KIRREL3: variants seen among roughly 807,000 people sequenced by gnomAD.
KIRREL3 encodes kirre like nephrin family adhesion molecule 3.
KIRREL3 carries 36 observed loss-of-function variants against 89.7 expected under a neutral mutation model. The observed-to-expected ratio is 0.40, with a 90% CI of 0.31 to 0.53. The LOEUF (loss-of-function observed/expected upper bound fraction) is 0.53. KIRREL3 is among the 20% of genes least tolerant of loss of function. The probability of loss-of-function intolerance (pLI) is 0.49; values close to 1 mark genes in which losing one functional copy is unlikely to be tolerated. For synonymous variants in KIRREL3, 445 were observed against 441.4 expected (o/e 1.01, Z -0.10); for missense variants, 864 against 1,056.6 (o/e 0.82, Z 2.53).
At chr11:126,935,301 G>A (rs1434296859) in intron 1 of KIRREL3, 1 of 148,402 alleles carries the variant, frequency 6.7e-6, no homozygotes, top group Admixed American at 6.8e-5. Context: ...TTGGAAGACA[G>A]TGTGGCAGTT....
intron 1 of KIRREL3, among the ~76,000 whole-genome samples, chr11:126,584,402 C>T (rs1941716385): frequency 6.6e-6 from 1 of 152,182 alleles, no homozygotes; most frequent in African/African-American, 2.4e-5. Context: ...CAAGGTTTGC[C>T]CTCTCTGACT....
rs1462225721 is a variant in KIRREL3, at chr11:126,607,587, G to A, written c.56-44675C>T. ...CCATTATTGCCATTATTAATTGATC[G>A]CTGTTATTATCATGTAGGCATTAAG... On this transcript the variant is annotated intron_variant, in intron 1 of 16. Coordinates refer to ENST00000525144, the MANE Select transcript of KIRREL3 (RefSeq NM_032531.4). This position sits in a 1 kb window ranked among gnomAD's most constrained non-coding sequence, Gnocchi z 6.6. Among the ~76,000 whole-genome samples, 1 of 152,134 alleles carries A rather than the reference G, an allele frequency of 6.6e-6. No homozygotes were observed. The highest frequency in any genetic ancestry group is 2.4e-5 in the African/African-American group (1 of 41,416).
chr11:126,899,850 G>A (rs962156164), intron 1 of KIRREL3, among the ~76,000 whole-genome samples: 3 of 152,184 alleles, frequency 2.0e-5, no homozygotes, highest in Non-Finnish European at 4.4e-5. Context: ...TGTCATTGAG[G>A]CCTAGTGGTT....
intron 1 of KIRREL3, among the ~76,000 whole-genome samples, chr11:126,625,502 C>G (rs1161856811): frequency 6.6e-6 from 1 of 152,166 alleles, no homozygotes; most frequent in Non-Finnish European, 1.5e-5. Context: ...CTGCTGCTTA[C>G]ATTATCTTGA....
rs1023135823 is a variant in KIRREL3, at chr11:126,557,089, A to C, written c.133+5746T>G. On this transcript the variant is annotated intron_variant, in intron 2 of 16. Coordinates refer to ENST00000525144, the MANE Select transcript of KIRREL3 (RefSeq NM_032531.4). The surrounding 1 kb of genome is among the most constrained non-coding windows in gnomAD (Gnocchi z 5.6). ...GAGCCAGACTGTACGGCTGCAACAG[A>C]GTGAGAAGTGCTGCCGGTAGCAGGG... 4.6e-5 allele frequency among the ~76,000 whole-genome samples: 7 copies of C among 152,132 alleles called. No homozygotes were observed. The highest frequency in any genetic ancestry group is 1.7e-4 in the African/African-American group (7 of 41,422).
rs532499612 is a variant in KIRREL3 at position 126,447,779 on chromosome 11, C to T, written c.998-893G>A. Reference sequence around the variant, plus strand: ...CCTGAAGCCTGGTGCCAGGAGACTGCGATTAGTCCCCTGATGTAAAAAGGG... The same window carrying T: ...CCTGAAGCCTGGTGCCAGGAGACTGTGATTAGTCCCCTGATGTAAAAAGGG... On this transcript the variant is annotated intron_variant, in intron 8 of 16. Transcript: ENST00000525144. Among the ~76,000 whole-genome samples, 5 of 152,294 alleles carry T rather than the reference C, an allele frequency of 3.3e-5. No individual in the cohort carries two copies. In the South Asian group the frequency reaches 1.0e-3, roughly 32 times the overall value.
chr11:126,691,722 T>A (rs1946884841), intron 1 of KIRREL3, among the ~76,000 whole-genome samples: 1 of 152,232 alleles, frequency 6.6e-6, no homozygotes, highest in African/African-American at 2.4e-5. Context: ...AAAGGATGCA[T>A]TGAAGATTGA....
At chr11:126,439,455 C>T (rs1327115281) in intron 11 of KIRREL3, among the ~76,000 whole-genome samples, 2 of 149,176 alleles carry the variant, frequency 1.3e-5, no homozygotes, top group Non-Finnish European at 3.0e-5. Flanking sequence ...ATCTTCCCAC[C>T]TCAGCCTTCC....
chr11:126,610,406 AAC>A lies in KIRREL3; in HGVS notation c.56-47496_56-47495del, dbSNP rs1366624639. On this transcript the variant is annotated intron_variant, in intron 1 of 16. Transcript: ENST00000525144. The surrounding 1 kb of genome is among the most constrained non-coding windows in gnomAD (Gnocchi z 4.6). ...CTTGTCTGAACTGTAAGAGGATTTT[AAC>A]AGTTTCCCAAGCAATGCTTCATATT... is the stretch of plus-strand genomic sequence containing the variant. Among the ~76,000 whole-genome samples the A allele has an allele frequency of 6.6e-6, 1 of 152,182 alleles. No individual in the cohort carries two copies. The highest frequency in any genetic ancestry group is 2.4e-5 in the African/African-American group (1 of 41,454).
At chr11:126,448,574 G>C (rs1955914054) in intron 8 of KIRREL3, among the ~76,000 whole-genome samples, 1 of 152,208 alleles carries the variant, frequency 6.6e-6, no homozygotes, top group Non-Finnish European at 1.5e-5. Context: ...CTTTGCAGGG[G>C]CAGGGGTTAG....
intron 1 of KIRREL3, among the ~76,000 whole-genome samples, chr11:126,592,738 T>C (rs1649094): frequency 0.9 from 137,210 of 152,034 alleles, 61,943 homozygotes; most frequent in East Asian, 0.99. Flanking sequence ...TTGGGGAAGA[T>C]GTGAGTTTGG....
Position 126,900,647 on chromosome 11 carries a change from G to A in KIRREL3, c.55+99808C>T, listed in dbSNP as rs906578972. On this transcript the variant is annotated intron_variant, in intron 1 of 16. Coordinates refer to ENST00000525144, the MANE Select transcript of KIRREL3 (RefSeq NM_032531.4). The surrounding 1 kb of genome is among the most constrained non-coding windows in gnomAD (Gnocchi z 4.4). ...TCCATTACTAATGCCTTTCAGCAAA[G>A]CCCAGGCATCTTTTAAAGTCAAACT... is the stretch of plus-strand genomic sequence containing the variant. 6.6e-6 allele frequency among the ~76,000 whole-genome samples: 1 copy of A among 152,192 alleles called. No individual in the cohort carries two copies. Among genetic ancestry groups the A allele is most frequent in the Non-Finnish European group, 1.5e-5 (1 of 68,022 alleles).
chr11:126,749,324 C>A (rs185209077), intron 1 of KIRREL3, among the ~76,000 whole-genome samples: 21 of 152,302 alleles, frequency 1.4e-4, no homozygotes, highest in Non-Finnish European at 2.8e-4. Flanking sequence ...CTGCTAATCC[C>A]TAGAACATTT....
In KIRREL3 at chr11:126,471,991, C is replaced by T. The variant is rs997465997; in HGVS notation, c.591+1318G>A. Reference sequence around the variant, plus strand: ...AGGGATCATGGGCTGGATTTCAGCCCTCCCTGGCCCCTGAGCCAGGCACCT... The same window carrying T: ...AGGGATCATGGGCTGGATTTCAGCCTTCCCTGGCCCCTGAGCCAGGCACCT... On this transcript the variant is annotated intron_variant, in intron 5 of 16. Coordinates refer to ENST00000525144, the MANE Select transcript of KIRREL3 (RefSeq NM_032531.4). This position sits in a 1 kb window ranked among gnomAD's most constrained non-coding sequence, Gnocchi z 5.4. 7.2e-5 allele frequency among the ~76,000 whole-genome samples: 11 copies of T among 151,816 alleles called. No homozygotes were observed. The highest frequency in any genetic ancestry group is 2.4e-4 in the African/African-American group (10 of 41,304).
intron 1 of KIRREL3, among the ~76,000 whole-genome samples, chr11:126,693,812 C>A (rs1219343439): frequency 6.6e-6 from 1 of 152,240 alleles, no homozygotes; most frequent in African/African-American, 2.4e-5. Flanking sequence ...CATTTCCAAT[C>A]AGGCTCTGGC....
intron 7 of KIRREL3, among the ~76,000 whole-genome samples, chr11:126,451,472 G>A (rs1258367427): frequency 1.4e-5 from 2 of 146,812 alleles, no homozygotes; most frequent in Admixed American, 1.3e-4. Context: ...GTGGGCATGT[G>A]CATGTGTGTG....
intron 1 of KIRREL3, among the ~76,000 whole-genome samples, chr11:126,670,728 TA>T (rs1348180650): frequency 6.6e-6 from 1 of 152,204 alleles, no homozygotes; most frequent in African/African-American, 2.4e-5. Flanking sequence ...TGAAGAAAGA[TA>T]AATACAAATT....
At position 126,807,420 on chromosome 11, in the gene KIRREL3, A is replaced by C. The variant is rs1166737070; in HGVS notation, c.55+193035T>G. 6.6e-6 allele frequency among the ~76,000 whole-genome samples: 1 copy of C among 152,226 alleles called. No homozygotes were observed. The highest frequency in any genetic ancestry group is 1.5e-5 in the Non-Finnish European group (1 of 68,038). On this transcript the variant is annotated intron_variant, in intron 1 of 16. Coordinates refer to ENST00000525144, the MANE Select transcript of KIRREL3 (RefSeq NM_032531.4). The surrounding 1 kb of genome is among the most constrained non-coding windows in gnomAD (Gnocchi z 4.3). Reference sequence around the variant, plus strand: ...TGTTCTAACCTGTATTTTGGCTTCTAGTGGTTGAGACCTCATTAGCTATGT... The same window carrying C: ...TGTTCTAACCTGTATTTTGGCTTCTCGTGGTTGAGACCTCATTAGCTATGT...
intron 1 of KIRREL3, among the ~76,000 whole-genome samples, chr11:126,577,447 T>A (rs1424579001): frequency 6.6e-6 from 1 of 151,870 alleles, no homozygotes; most frequent in Non-Finnish European, 1.5e-5. Context: ...GCAACCAGCA[T>A]CCTAGAAACT....
Sources: allele counts gnomAD v4.1 joint callset (sites outside exome capture counted in the v4.1 genomes callset), GRCh38; gene constraint gnomAD v4.1.1; non-coding constraint Gnocchi (gnomAD v3.1); transcripts MANE v1.5; gene names NCBI Gene and HGNC (gene_info 2026-07-23, HGNC 2026-07-21).